Variants in VSTM2B observed in about 807,000 individuals in gnomAD.
The protein encoded by VSTM2B is V-set and transmembrane domain containing 2B, also known as V-set and transmembrane domain-containing protein 2B.
A neutral mutation model predicts 24.0 loss-of-function variants in VSTM2B; 24 were observed. That is an observed-to-expected ratio of 1.00 (90% CI 0.72 to 1.40). VSTM2B has a LOEUF of 1.40. Among genes scored for constraint, VSTM2B ranks in the 40% most tolerant of loss-of-function variants. The pLI is 0.00. For synonymous variants in VSTM2B, 226 were observed against 194.4 expected (o/e 1.16, Z -1.35); for missense variants, 399 against 416.4 (o/e 0.96, Z 0.36).
intron 4 of VSTM2B, among the ~76,000 whole-genome samples, chr19:29,541,409 A>C (rs963228806): frequency 1.3e-5 from 2 of 152,036 alleles, no homozygotes; most frequent in Non-Finnish European, 2.9e-5. Flanking sequence ...CTGGTGGGTG[A>C]GTGAAGGGAA....
At chr19:29,534,667 G>C (rs1421049209) in intron 4 of VSTM2B, among the ~76,000 whole-genome samples, 1 of 150,920 alleles carries the variant, frequency 6.6e-6, no homozygotes, top group African/African-American at 2.4e-5. Context: ...AGTGAGCCGA[G>C]ATCGCGCCAT....
rs561824030 is a variant in VSTM2B, at chr19:29,539,688, C to G, written c.769+9398C>G. 2.0e-5 allele frequency among the ~76,000 whole-genome samples: 3 copies of G among 152,372 alleles called. No individual in the cohort carries two copies. In the East Asian group the frequency reaches 5.8e-4, roughly 29 times the overall value. On this transcript the variant is annotated intron_variant, in intron 4 of 4. Coordinates refer to ENST00000335523, the MANE Select transcript of VSTM2B (RefSeq NM_001146339.2). The stretch of plus-strand genomic sequence containing the variant: ...TCATGTTCGCATCCACCCCAGCTTC[C>G]CTTTCCGTGGCTCACTGTGCCCAGA...
chr19:29,556,105 A>G (rs1209395257), intron 4 of VSTM2B, among the ~76,000 whole-genome samples: 1 of 151,910 alleles, frequency 6.6e-6, no homozygotes, highest in East Asian at 1.9e-4. Flanking sequence ...GATACAAAAA[A>G]AAAAAAAGAA....
At chr19:29,528,731 C>T (rs1474886303) in intron 3 of VSTM2B, among the ~76,000 whole-genome samples, 1 of 152,232 alleles carries the variant, frequency 6.6e-6, no homozygotes, top group Non-Finnish European at 1.5e-5. Flanking sequence ...TCCCCTTGGT[C>T]GGACTGCGCG....
rs1199770580 is a variant in VSTM2B at position 29,544,728 on chromosome 19, C to G, written c.769+14438C>G. Among the ~76,000 whole-genome samples, 3 of 152,108 alleles carry G rather than the reference C, an allele frequency of 2.0e-5. No individual in the cohort carries two copies. The East Asian group carries it at 5.8e-4, about 29-fold the overall frequency. ...AGGTCACTCTTGCAGCCCTGGGCTC[C>G]CCAGAGGGAACTCGAGACAGGCCTC... On this transcript the variant is annotated intron_variant, in intron 4 of 4. Transcript: ENST00000335523.
chr19:29,526,811 A>AG lies in VSTM2B; in HGVS notation c.82+147dup. ...GCAGCCTGGGCCCGGAGGGGTAGGG[A>AG]GAGGCGAGCGGCGAAGGGTCGCCGC... On this transcript the variant is annotated intron_variant, in intron 1 of 4. Transcript: ENST00000335523. The surrounding 1 kb of genome is among the most constrained non-coding windows in gnomAD (Gnocchi z 4.1). The AG allele has an allele frequency of 1.4e-6, 1 of 718,228 alleles. No homozygotes were observed. The allele number at this position is 718,228 out of a possible 1,614,324, so 44.5% of individuals were successfully genotyped here.
At chr19:29,563,187 C>T (rs867415800) in intron 4 of VSTM2B, among the ~76,000 whole-genome samples, 1 of 151,540 alleles carries the variant, frequency 6.6e-6, no homozygotes, top group Non-Finnish European at 1.5e-5. Context: ...AGAGGACAAG[C>T]AGGGCCAGAA....
intron 4 of VSTM2B, among the ~76,000 whole-genome samples, chr19:29,545,363 A>C (rs1010205086): frequency 6.6e-6 from 1 of 152,226 alleles, no homozygotes; most frequent in African/African-American, 2.4e-5. Flanking sequence ...CTGCAATCCC[A>C]GCACTTTGGG....
intron 4 of VSTM2B, among the ~76,000 whole-genome samples, chr19:29,546,506 G>C (rs764510857): frequency 4.6e-5 from 7 of 152,260 alleles, no homozygotes; most frequent in Admixed American, 2.0e-4. Flanking sequence ...AGATAAAGGG[G>C]AAAATTCTCT....
chr19:29,538,008 C>T (rs979147714), intron 4 of VSTM2B, among the ~76,000 whole-genome samples: 6 of 152,186 alleles, frequency 3.9e-5, no homozygotes, highest in African/African-American at 9.7e-5. Flanking sequence ...TTCCAACCAT[C>T]GCATTCTCTC....
chr19:29,526,330 C>T lies in VSTM2B; in HGVS notation c.-254C>T, dbSNP rs1299067288. On this transcript the variant is annotated 5_prime_UTR_variant, in exon 1 of 5. Transcript: ENST00000335523. The surrounding 1 kb of genome is among the most constrained non-coding windows in gnomAD (Gnocchi z 4.1). ...ACGACCGGACAGAGAGAGGCACTGACCGATCGCCAGCAGCCTCCCGGTGGG... is the reference window on the plus strand; with the variant it reads ...ACGACCGGACAGAGAGAGGCACTGATCGATCGCCAGCAGCCTCCCGGTGGG... Among the ~76,000 whole-genome samples, 1 of 151,968 alleles carries T rather than the reference C, an allele frequency of 6.6e-6. No individual in the cohort carries two copies. Among genetic ancestry groups the T allele is most frequent in the South Asian group, 2.1e-4 (1 of 4,828 alleles).
At chr19:29,525,788 A>T (rs1269041108), upstream of VSTM2B, 1 of 151,766 alleles carries the variant, frequency 6.6e-6, no homozygotes, top group African/African-American at 2.4e-5. Flanking sequence ...CTCCCAACCC[A>T]AGCGGGTGCG....
intron 4 of VSTM2B, among the ~76,000 whole-genome samples, chr19:29,531,386 C>T (rs2145467270): frequency 6.6e-6 from 1 of 152,332 alleles, no homozygotes; most frequent in African/African-American, 2.4e-5. Flanking sequence ...CATTGTCACA[C>T]CCCTACAGTG....
At position 29,526,738 on chromosome 19, in the gene VSTM2B, GA is replaced by G; in HGVS notation, c.82+76del. On this transcript the variant is annotated intron_variant, in intron 1 of 4. Coordinates refer to ENST00000335523, the MANE Select transcript of VSTM2B (RefSeq NM_001146339.2). The surrounding 1 kb of genome is among the most constrained non-coding windows in gnomAD (Gnocchi z 4.1). Reference sequence around the variant, plus strand: ...CTGGGGCCGCCACCGAGAAGAAGAAGAAAGAGAACGAACCGGGAAGCTTCGC... The same window carrying G: ...CTGGGGCCGCCACCGAGAAGAAGAAGAAGAGAACGAACCGGGAAGCTTCGC... 2 of 1,337,078 alleles carry G rather than the reference GA, an allele frequency of 1.5e-6. No individual in the cohort carries two copies. The highest frequency in any genetic ancestry group is 2.6e-5 in the South Asian group (2 of 76,094). The allele number at this position is 1,337,078 out of a possible 1,614,324, so 82.8% of individuals were successfully genotyped here.
At chr19:29,545,884 G>GA (rs139650556) in intron 4 of VSTM2B, among the ~76,000 whole-genome samples, 2,134 of 150,168 alleles carry the variant, frequency 0.014, 50 homozygotes, top group African/African-American at 0.051. Flanking sequence ...GAAAAGAAAA[G>GA]AAAAGAAAAA....
At chr19:29,529,026 G>A in intron 3 of VSTM2B, 1 of 985,486 alleles carries the variant, frequency 1.0e-6, no homozygotes, top group South Asian at 4.7e-5. Flanking sequence ...GAGGAGATGC[G>A]CCCAAGCTTC....
chr19:29,551,033 A>AG (rs1454604636), intron 4 of VSTM2B, among the ~76,000 whole-genome samples: 3 of 152,184 alleles, frequency 2.0e-5, no homozygotes, highest in Non-Finnish European at 4.4e-5. Context: ...CCAAAGGCAG[A>AG]GGGAAGCCAT....
rs1568434810 is a variant in VSTM2B at position 29,526,570 on chromosome 19, G to T, written c.-14G>T. ...GCTCCCGGGCCCCCGCCGCCACCGC[G>T]CCCCCCGCGGGAGATGGAACAGCGG... On this transcript the variant is annotated 5_prime_UTR_variant, in exon 1 of 5. Coordinates refer to ENST00000335523, the MANE Select transcript of VSTM2B (RefSeq NM_001146339.2). The surrounding 1 kb of genome is among the most constrained non-coding windows in gnomAD (Gnocchi z 4.1). 3 of 1,501,756 alleles carry T rather than the reference G, an allele frequency of 2.0e-6. No individual in the cohort carries two copies. The Admixed American group carries it at 6.2e-5, about 31-fold the overall frequency. 93.0% of individuals were successfully genotyped at this position (1,501,756 alleles called of 1,614,324 possible). A position where few individuals can be genotyped will look rare whatever the true frequency, so the allele number is the denominator to read the frequency against.
intron 4 of VSTM2B, among the ~76,000 whole-genome samples, chr19:29,548,322 C>T (rs892797510): frequency 6.6e-6 from 1 of 152,094 alleles, no homozygotes; most frequent in African/African-American, 2.4e-5. Context: ...GGCAGGAGGA[C>T]CTGTGCATGT....
Sources: gnomAD v4.1 joint callset for allele counts (sites outside exome capture counted in the v4.1 genomes callset) on GRCh38, gnomAD v4.1.1 for gene constraint, Gnocchi (gnomAD v3.1) non-coding constraint, MANE v1.5 for transcripts, NCBI Gene and HGNC (gene_info 2026-07-23, HGNC 2026-07-21) for gene names.